The following CAPN7 variants were observed in gnomAD, a reference collection of about 807,000 sequenced individuals.
CAPN7 encodes the protein calpain 7.
Under a neutral mutation model 115.2 loss-of-function variants are expected in CAPN7, and 72 were observed. The ratio of observed to expected loss-of-function variants is 0.63; its 90% CI spans 0.52 to 0.76. The LOEUF (loss-of-function observed/expected upper bound fraction) is 0.76, where lower values mean the gene tolerates loss of function less well. Among genes scored for constraint, CAPN7 ranks in the 30% least tolerant of loss-of-function variants. The pLI is 0.00. For missense variants in CAPN7, 905 were observed against 971.5 expected (o/e 0.93, Z 0.91); for synonymous variants, 344 against 322.3 (o/e 1.07, Z -0.72).
chr3:15,247,858 C>T (rs1234896611), intron 19 of CAPN7, among the ~76,000 whole-genome samples: 1 of 152,114 alleles, frequency 6.6e-6, no homozygotes, highest in Non-Finnish European at 1.5e-5. Context: ...AATAAAAACA[C>T]ATTCATGTCC....
At chr3:15,225,213 T>C (rs1694241408) in intron 6 of CAPN7, among the ~76,000 whole-genome samples, 1 of 152,258 alleles carries the variant, frequency 6.6e-6, no homozygotes, top group African/African-American at 2.4e-5. Flanking sequence ...TATAACAATT[T>C]GGCTGTATAT....
intron 10 of CAPN7, 63 bp downstream of exon 10, chr3:15,232,728 T>C (rs1694765539): frequency 1.4e-6 from 2 of 1,402,802 alleles, no homozygotes; most frequent in South Asian, 1.6e-5. Context: ...TGTTTTAAAT[T>C]TGAAAAATTC....
intron 16 of CAPN7, among the ~76,000 whole-genome samples, chr3:15,242,472 C>T (rs1359211054): frequency 6.6e-6 from 1 of 152,152 alleles, no homozygotes; most frequent in African/African-American, 2.4e-5. Flanking sequence ...TCCATATTCT[C>T]GCACATGGCT....
Position 15,221,079 on chromosome 3 carries a change from C to G in CAPN7, c.638+98C>G, listed in dbSNP as rs17040866. ...TTGCTGAATTGTATTCAGATTTCTC[C>G]TATAGTGTATTGTGCTGTTATTATG... On this transcript the variant is annotated intron_variant, in intron 5 of 20. Coordinates refer to ENST00000253693, the MANE Select transcript of CAPN7 (RefSeq NM_014296.3). 0.014 allele frequency: 13,129 copies of G among 917,102 alleles called. 1,130 individuals carry two copies. In the African/African-American group the frequency reaches 0.18, roughly 13 times the overall value. 56.8% of individuals were successfully genotyped at this position (917,102 alleles called of 1,614,324 possible).
intron 12 of CAPN7, among the ~76,000 whole-genome samples, chr3:15,239,666 T>TTTCTAAATAA (rs1695225490): frequency 6.6e-6 from 1 of 152,210 alleles, no homozygotes; most frequent in South Asian, 2.1e-4. Flanking sequence ...AATTACTAAA[T>TTTCTAAATAA]GCTAGATACT....
chr3:15,206,568 C>A lies in CAPN7; in HGVS notation c.73C>A (p.Arg25Ser). The A allele has an allele frequency of 6.4e-7, 1 of 1,552,846 alleles. No homozygotes were observed. Among genetic ancestry groups the A allele is most frequent in the South Asian group, 1.2e-5 (1 of 84,080 alleles). Residue 25 changes from arginine (R) to serine (S), a missense_variant, in exon 1 of 21, where the codon CGC becomes AGC. Arg to Ser is a moderately radical substitution (Grantham distance 110). Coordinates refer to ENST00000253693, the MANE Select transcript of CAPN7 (RefSeq NM_014296.3). ...GGCGGTTCAGCGCGACCACGAAGGCCGCTACTCCGAGGCGGTGTTTTATTA... is the reference window on the plus strand; with the variant it reads ...GGCGGTTCAGCGCGACCACGAAGGCAGCTACTCCGAGGCGGTGTTTTATTA... Reference protein sequence around the residue: ...RLAVQRDHEGRYSEAVFYYKE... With the variant: ...RLAVQRDHEGSYSEAVFYYKE...
rs1049317855 is a variant in CAPN7, at chr3:15,247,130, A to G, written c.2074-197A>G. On this transcript the variant is annotated intron_variant, in intron 18 of 20. Coordinates refer to ENST00000253693, the MANE Select transcript of CAPN7 (RefSeq NM_014296.3). ...TCCTGGTAGAAAGAACAACTTGATT[A>G]GAGGCTAAGAGATGGAAATAGGGGT... is the stretch of plus-strand genomic sequence containing the variant. 4 of 572,032 alleles carry G rather than the reference A, an allele frequency of 7.0e-6. No homozygotes were observed. The African/African-American group carries it at 7.8e-5, about 11-fold the overall frequency. The allele number at this position is 572,032 out of a possible 1,614,324, so 35.4% of individuals were successfully genotyped here.
chr3:15,239,437 C>A (rs1190346717), intron 12 of CAPN7, among the ~76,000 whole-genome samples: 2 of 152,132 alleles, frequency 1.3e-5, no homozygotes, highest in Non-Finnish European at 1.5e-5. Context: ...CTGGTATTTA[C>A]TAAGCATTTA....
chr3:15,206,685 G>C (rs2044644140), intron 1 of CAPN7, 88 bp downstream of exon 1: 16 of 960,436 alleles, frequency 1.7e-5, no homozygotes, highest in Non-Finnish European at 2.4e-5. Flanking sequence ...CGGGTGCGGA[G>C]GCTAGCGGCC....
chr3:15,248,991 G>A (rs1695835883), intron 19 of CAPN7, among the ~76,000 whole-genome samples: 1 of 113,670 alleles, frequency 8.8e-6, no homozygotes. Flanking sequence ...GCGAGACCCT[G>A]TCTCATACAA....
chr3:15,231,484 C>G (rs1247649569), intron 9 of CAPN7, among the ~76,000 whole-genome samples: 1 of 151,834 alleles, frequency 6.6e-6, no homozygotes, highest in African/African-American at 2.4e-5. Context: ...ATGGCATAAT[C>G]TTCCTATTGG....
At chr3:15,220,268 G>A (rs560049639) in intron 4 of CAPN7, among the ~76,000 whole-genome samples, 2 of 152,118 alleles carry the variant, frequency 1.3e-5, no homozygotes, top group Admixed American at 6.6e-5. Flanking sequence ...ACTTCTGCAC[G>A]TTTGTACATG....
Position 15,217,541 on chromosome 3 carries a change from A to C in CAPN7, c.328A>C (p.Ile110Leu). The C allele has an allele frequency of 6.2e-7, 1 of 1,613,866 alleles. No homozygotes were observed. The highest frequency in any genetic ancestry group is 8.5e-7 in the Non-Finnish European group (1 of 1,179,878). The change falls in exon 3 of 21, where the codon ATA (isoleucine) becomes CTA (leucine). Residue 110 changes from isoleucine (I) to leucine (L), a missense_variant. Physicochemically the swap from Ile to Leu is conservative, Grantham distance 5. Around this residue, in one of 3 missense-constraint regions of CAPN7, gnomAD observed 271 missense variants for 239.6 expected, o/e 1.13. Coordinates refer to ENST00000253693, the MANE Select transcript of CAPN7 (RefSeq NM_014296.3). The stretch of plus-strand genomic sequence containing the variant: ...TGAAAAAGAGAATGTTGAAGATGCT[A>C]TAGAATTGTACACAGAAGCTGTGGA... Reference protein sequence around the residue: ...EDEKENVEDAIELYTEAVDLC... With the variant: ...EDEKENVEDALELYTEAVDLC...
intron 8 of CAPN7, among the ~76,000 whole-genome samples, chr3:15,229,575 T>C (rs939719505): frequency 5.7e-5 from 8 of 140,358 alleles, no homozygotes; most frequent in Non-Finnish European, 1.1e-4. Flanking sequence ...TTTTTTTTTT[T>C]TTTTTTTTTT....
At chr3:15,247,249 T>TTTTTTA (rs1695718643) in intron 18 of CAPN7, 78 bp from the exon 19 acceptor site, 1 of 1,032,762 alleles carries the variant, frequency 9.7e-7, no homozygotes, top group African/African-American at 1.7e-5. Flanking sequence ...TTTTTTTTTT[T>TTTTTTA]GAGATGGAAA....
Position 15,220,914 on chromosome 3 carries a change from T to C in CAPN7, c.571T>C (p.Phe191Leu). The change falls in exon 5 of 21, where the codon TTT becomes CTT. Residue 191 changes from phenylalanine to leucine, a missense_variant. Coordinates refer to ENST00000253693, the MANE Select transcript of CAPN7 (RefSeq NM_014296.3). Reference protein sequence around the residue: ...ANPFLERPQSFISPQSCDAQG... With the variant: ...ANPFLERPQSLISPQSCDAQG... ...TCCCTTCCTTGAAAGACCTCAGTCA[T>C]TTATAAGTCCTCAGTCATGTGATGC... 6.2e-7 allele frequency: 1 copy of C among 1,614,156 alleles called. No homozygotes were observed. The highest frequency in any genetic ancestry group is 2.2e-5 in the East Asian group (1 of 44,890).
intron 14 of CAPN7, 91 bp downstream of exon 14, chr3:15,240,944 C>T: frequency 1.3e-6 from 1 of 785,212 alleles, no homozygotes; most frequent in Non-Finnish European, 2.1e-6. Flanking sequence ...GTGGCTCATG[C>T]CTGTAATCCC....
chr3:15,231,115 G>A (rs1694659784), intron 9 of CAPN7, among the ~76,000 whole-genome samples: 1 of 152,168 alleles, frequency 6.6e-6, no homozygotes, highest in Non-Finnish European at 1.5e-5. Flanking sequence ...CTTCACCCTA[G>A]ACCTGCTGAA....
At position 15,244,417 on chromosome 3, in the gene CAPN7, G is replaced by A. The variant is rs1695537128; in HGVS notation, c.1865-1109G>A. 3.9e-5 allele frequency among the ~76,000 whole-genome samples: 6 copies of A among 152,252 alleles called. No homozygotes were observed. In the South Asian group the frequency reaches 1.2e-3, roughly 32 times the overall value. On this transcript the variant is annotated intron_variant, in intron 16 of 20. Coordinates refer to ENST00000253693, the MANE Select transcript of CAPN7 (RefSeq NM_014296.3). ...TTTATTTTAATTACAACACTCTGCA[G>A]TAAATAGGACAGGCCTTGTTCCCTG... is the stretch of plus-strand genomic sequence containing the variant.
Sources: allele counts gnomAD v4.1 joint callset (sites outside exome capture counted in the v4.1 genomes callset), GRCh38; gene constraint gnomAD v4.1.1; regional missense constraint gnomAD v4.1.1; transcripts MANE v1.5; gene names NCBI Gene and HGNC (gene_info 2026-07-23, HGNC 2026-07-21).